FKBP5: variants seen among roughly 807,000 people sequenced by gnomAD.
The protein encoded by FKBP5 is FKBP prolyl isomerase 5, also known as peptidyl-prolyl cis-trans isomerase FKBP5.
A neutral mutation model predicts 50.5 loss-of-function variants in FKBP5; 23 were observed. That is an observed-to-expected ratio of 0.46 (90% CI 0.33 to 0.65). FKBP5 has a LOEUF of 0.65. FKBP5 is among the 30% of genes least tolerant of loss of function. FKBP5 has a pLI of 0.02. For synonymous variants in FKBP5, 176 were observed against 190.6 expected, an observed-to-expected ratio of 0.92 and a Z score of 0.63; for missense variants, 411 against 553.1, an observed-to-expected ratio of 0.74 and a Z score of 2.58.
intron 1 of FKBP5, among the ~76,000 whole-genome samples, chr6:35,668,763 A>G (rs977090990): frequency 6.6e-6 from 1 of 152,170 alleles, no homozygotes; most frequent in Admixed American, 6.5e-5. Context: ...AAAACAACAA[A>G]ATATAATGAC....
At chr6:35,640,684 A>T (rs1764460666) in intron 2 of FKBP5, among the ~76,000 whole-genome samples, 1 of 152,186 alleles carries the variant, frequency 6.6e-6, no homozygotes, top group Non-Finnish European at 1.5e-5. Flanking sequence ...AACACTGTAC[A>T]GCTGTACAAA....
intron 1 of FKBP5, among the ~76,000 whole-genome samples, chr6:35,676,319 C>A (rs1057387625): frequency 6.6e-6 from 1 of 152,196 alleles, no homozygotes; most frequent in East Asian, 1.9e-4. Flanking sequence ...TGAGAAACAG[C>A]CCCTGAAAAA....
At chr6:35,622,134 T>C (rs1371270215) in intron 3 of FKBP5, among the ~76,000 whole-genome samples, 1 of 152,166 alleles carries the variant, frequency 6.6e-6, no homozygotes, top group East Asian at 1.9e-4. Context: ...AGATAAACCA[T>C]TTTTTATTCA....
At chr6:35,658,861 A>G (rs1765029779) in intron 1 of FKBP5, among the ~76,000 whole-genome samples, 1 of 84,004 alleles carries the variant, frequency 1.2e-5, no homozygotes, top group South Asian at 4.2e-4. Flanking sequence ...GCTTGAGCCC[A>G]GGAGTTCGAG....
chr6:35,640,772 C>CT (rs993580316), intron 2 of FKBP5, among the ~76,000 whole-genome samples: 1 of 151,716 alleles, frequency 6.6e-6, no homozygotes, highest in East Asian at 1.9e-4. Context: ...ACTTTTTAAA[C>CT]TTTTTTTTGT....
At chr6:35,586,753 G>A in intron 8 of FKBP5, 1 of 1,320,756 alleles carries the variant, frequency 7.6e-7, no homozygotes, top group Non-Finnish European at 9.7e-7. Flanking sequence ...TGCTTTAGGA[G>A]TGAGTGATAC....
At chr6:35,717,534 G>A (rs1766535115) in intron 2 of FKBP5, among the ~76,000 whole-genome samples, 1 of 152,268 alleles carries the variant, frequency 6.6e-6, no homozygotes, top group Non-Finnish European at 1.5e-5. Flanking sequence ...CACCCTGTGT[G>A]TATGTGCAAT....
At chr6:35,638,712 C>T (rs1012530072) in intron 2 of FKBP5, among the ~76,000 whole-genome samples, 4 of 152,062 alleles carry the variant, frequency 2.6e-5, no homozygotes, top group Admixed American at 6.6e-5. Context: ...GCTATCGCAC[C>T]CAGCCCCAAA....
intron 5 of FKBP5, among the ~76,000 whole-genome samples, chr6:35,613,342 G>A (rs908827964): frequency 3.3e-5 from 5 of 152,106 alleles, no homozygotes; most frequent in Admixed American, 3.3e-4. Context: ...ACCCTCCCAA[G>A]TAGCTGGGAT....
intron 2 of FKBP5, among the ~76,000 whole-genome samples, chr6:35,694,044 G>A (rs996480686): frequency 2.6e-5 from 4 of 151,716 alleles, no homozygotes; most frequent in Non-Finnish European, 5.9e-5. Context: ...TCTCTATGCT[G>A]CCCAGGCTGG....
At chr6:35,710,247 G>A (rs1766390729) in intron 2 of FKBP5, among the ~76,000 whole-genome samples, 1 of 152,148 alleles carries the variant, frequency 6.6e-6, no homozygotes, top group African/African-American at 2.4e-5. Flanking sequence ...GGGAGGCTGA[G>A]GTAGGAGGAT....
intron 8 of FKBP5, chr6:35,583,172 G>A (rs985338243): frequency 1.0e-5 from 10 of 985,410 alleles, no homozygotes; most frequent in Non-Finnish European, 1.2e-5. Flanking sequence ...TTGTTTCACT[G>A]AGATGAGATA....
upstream of FKBP5, among the ~76,000 whole-genome samples, chr6:35,693,335 TTG>T (rs1188852187): frequency 3.3e-5 from 5 of 150,320 alleles, no homozygotes; most frequent in South Asian, 2.1e-4. Flanking sequence ...GCTAATTTTT[TTG>T]TATTTTTAGT....
At chr6:35,598,931 G>A (rs776676917) in intron 5 of FKBP5, among the ~76,000 whole-genome samples, 1 of 151,872 alleles carries the variant, frequency 6.6e-6, no homozygotes, top group Non-Finnish European at 1.5e-5. Flanking sequence ...TTGCGCTACT[G>A]CACTCCAGCC....
At chr6:35,695,561 C>T (rs991068322) in intron 2 of FKBP5, among the ~76,000 whole-genome samples, 5 of 152,144 alleles carry the variant, frequency 3.3e-5, no homozygotes, top group Admixed American at 3.3e-4. Flanking sequence ...GAAAGGAAGA[C>T]ATAAAACTAT....
intron 8 of FKBP5, 191 bp from the exon 9 acceptor site, chr6:35,580,412 G>A: frequency 3.6e-6 from 2 of 562,358 alleles, no homozygotes; most frequent in Non-Finnish European, 6.3e-6. Flanking sequence ...GCTGGTTTGG[G>A]GCAGTGCCTG....
At chr6:35,703,665 TG>T (rs1258277733) in intron 2 of FKBP5, among the ~76,000 whole-genome samples, 9 of 152,204 alleles carry the variant, frequency 5.9e-5, no homozygotes, top group African/African-American at 2.2e-4. Flanking sequence ...TCCTCTATTA[TG>T]GGTTTTGCCT....
chr6:35,598,924 C>T (rs891207478), intron 5 of FKBP5, among the ~76,000 whole-genome samples: 2 of 151,976 alleles, frequency 1.3e-5, no homozygotes, highest in African/African-American at 2.4e-5. Context: ...ACTGAGATTG[C>T]GCTACTGCAC....
chr6:35,628,308 C>T (rs866198950), intron 3 of FKBP5, among the ~76,000 whole-genome samples: 5 of 152,086 alleles, frequency 3.3e-5, no homozygotes, highest in Admixed American at 2.0e-4. Context: ...TGTACATTTA[C>T]ATTTGAATAT....
Sources: gnomAD v4.1 joint callset for allele counts (sites outside exome capture counted in the v4.1 genomes callset) on GRCh38, gnomAD v4.1.1 for gene constraint, MANE v1.5 for transcripts, NCBI Gene and HGNC (gene_info 2026-07-23, HGNC 2026-07-21) for gene names.